The following PHYHD1 variants were observed in gnomAD, a reference collection of about 807,000 sequenced individuals.
The protein encoded by PHYHD1 is phytanoyl-CoA dioxygenase domain-containing protein 1.
A neutral mutation model predicts 43.6 loss-of-function variants in PHYHD1; 42 were observed. That is an observed-to-expected ratio of 0.96 (90% CI 0.75 to 1.25). PHYHD1 has a LOEUF of 1.25. PHYHD1 is among the 50% of genes most tolerant of loss of function. The pLI, the probability that PHYHD1 is intolerant of heterozygous loss-of-function variation, is 0.00. For synonymous variants in PHYHD1, 139 were observed against 143.6 expected (o/e 0.97, Z 0.23); for missense variants, 342 against 370.8 (o/e 0.92, Z 0.64).
At chr9:128,936,286 G>A (rs1247571950) in intron 6 of PHYHD1, among the ~76,000 whole-genome samples, 162 bp from the exon 7 acceptor site, 1 of 151,912 alleles carries the variant, frequency 6.6e-6, no homozygotes, top group Non-Finnish European at 1.5e-5. Context: ...GTGGGGGCAA[G>A]GCTCCTGTGG....
At chr9:128,927,577 T>C (rs903763787) in intron 4 of PHYHD1, among the ~76,000 whole-genome samples, 2 of 152,268 alleles carry the variant, frequency 1.3e-5, no homozygotes, top group Admixed American at 6.5e-5. Context: ...GGTTTCATCA[T>C]GTTGGTCAGG....
At chr9:128,941,302 A>G in intron 11 of PHYHD1, 143 bp from the exon 12 acceptor site, 2 of 1,095,486 alleles carry the variant, frequency 1.8e-6, no homozygotes, top group Non-Finnish European at 2.6e-6. Flanking sequence ...GGGAGGCTGC[A>G]GATGCCTGAG....
At chr9:128,936,178 C>T (rs1841418568) in intron 6 of PHYHD1, among the ~76,000 whole-genome samples, 1 of 151,772 alleles carries the variant, frequency 6.6e-6, no homozygotes, top group Non-Finnish European at 1.5e-5. Context: ...TGATTGGTGC[C>T]TTGGAGCCCT....
Position 128,922,311 on chromosome 9 carries a change from C to A in PHYHD1, c.-13C>A. ...GCCGCGCTTAGAAGCCGCCCAGTGC[C>A]CTGAGCGTCTCCATGGCCTGCCTGA... On this transcript the variant is annotated 5_prime_UTR_variant, in exon 3 of 13. Transcript: ENST00000372592. The A allele has an allele frequency of 6.4e-7, 1 of 1,551,398 alleles. No individual in the cohort carries two copies. Among genetic ancestry groups the A allele is most frequent in the Non-Finnish European group, 8.7e-7 (1 of 1,147,290 alleles).
At chr9:128,922,212 G>C in intron 2 of PHYHD1, 71 bp from the exon 3 acceptor site, 1 of 1,347,260 alleles carries the variant, frequency 7.4e-7, no homozygotes, top group Non-Finnish European at 1.0e-6. Flanking sequence ...GTTGGGTGGT[G>C]GGACCGGGTT....
chr9:128,932,055 A>G (rs1841293985), intron 4 of PHYHD1, among the ~76,000 whole-genome samples: 1 of 148,376 alleles, frequency 6.7e-6, no homozygotes, highest in African/African-American at 2.5e-5. Context: ...GGCTGGTCTC[A>G]AACTCCTGAC....
chr9:128,940,667 G>GAGCC lies in PHYHD1; in HGVS notation c.660_663dup (p.Arg222SerfsTer4), dbSNP rs750290388. On this transcript the variant is annotated frameshift_variant, in exon 11 of 13. Transcript: ENST00000372592. LOFTEE classifies it high-confidence loss of function. ...GCCTGGTACCAGCTTCCTTGGGTCA[G>GAGCC]AGCCAGCCCGGGATAACAGCCTCTT... The GAGCC allele has an allele frequency of 6.2e-7, 1 of 1,614,126 alleles. No individual in the cohort carries two copies. Among genetic ancestry groups the GAGCC allele is most frequent in the Admixed American group, 1.7e-5 (1 of 60,022 alleles).
At chr9:128,923,370 G>A (rs1167408842) in intron 3 of PHYHD1, among the ~76,000 whole-genome samples, 1 of 152,114 alleles carries the variant, frequency 6.6e-6, no homozygotes, top group Non-Finnish European at 1.5e-5. Context: ...GAGCCACCGC[G>A]CCCAGCCTGC....
chr9:128,931,748 C>T (rs1239191425), intron 4 of PHYHD1, among the ~76,000 whole-genome samples: 2 of 151,770 alleles, frequency 1.3e-5, no homozygotes, highest in East Asian at 2.0e-4. Context: ...AAGATGGTCT[C>T]GATCTCCTGA....
rs59238657 is a variant in PHYHD1 at position 128,922,936 on chromosome 9, C to CTTT, written c.33+603_33+605dup. Among the ~76,000 whole-genome samples the CTTT allele has an allele frequency of 2.3e-3, 206 of 90,622 alleles. 2 individuals are homozygous for CTTT. Among genetic ancestry groups the CTTT allele is most frequent in the Non-Finnish European group, 2.3e-3 (111 of 47,742 alleles). 59.5% of individuals were successfully genotyped at this position (90,622 alleles called of 152,430 possible). ...CAGGCACACGCCCCCATGCCCAGCT[C>CTTT]TTTTTTTTTTTTTTTTTTTTTTTTT... On this transcript the variant is annotated intron_variant, in intron 3 of 12. Transcript: ENST00000372592.
At chr9:128,940,168 T>C (rs973081841) in intron 9 of PHYHD1, among the ~76,000 whole-genome samples, 5 of 152,208 alleles carry the variant, frequency 3.3e-5, no homozygotes, top group African/African-American at 9.6e-5. Context: ...TTGGAGCCAC[T>C]TCACGGTTTA....
intron 6 of PHYHD1, among the ~76,000 whole-genome samples, chr9:128,935,558 CAAAAAA>C (rs766510997): frequency 1.5e-4 from 16 of 104,310 alleles, no homozygotes; most frequent in African/African-American, 4.8e-4. Context: ...AACTCTGTCT[CAAAAAA>C]AAAAAAAAAA....
rs371562024 is a variant in PHYHD1, at chr9:128,940,428, G to A, written c.517G>A (p.Val173Met). 84 of 1,614,074 alleles carry A rather than the reference G, an allele frequency of 5.2e-5. No homozygotes were observed. The highest frequency in any genetic ancestry group is 1.6e-4 in the Middle Eastern group (1 of 6,082). The change falls in exon 10 of 13, where the codon GTG becomes ATG. Residue 173 changes from valine (V) to methionine (M), a missense_variant. Val to Met is a conservative substitution (Grantham distance 21). Transcript: ENST00000372592. The part of the protein sequence containing the change: ...YTEPLGRVLG[V>M]WIAVEDATLE... ...GGAGCCCCTGGGCCGGGTGCTGGGC[G>A]TGTGGATCGCAGTGGAGGATGCCAC...
intron 8 of PHYHD1, among the ~76,000 whole-genome samples, chr9:128,937,119 A>G (rs988703134): frequency 6.6e-6 from 1 of 152,038 alleles, no homozygotes; most frequent in Non-Finnish European, 1.5e-5. Flanking sequence ...CGTCTCAAAA[A>G]AAAGAAAAAT....
At chr9:128,922,936 CTTTTTT>C (rs59238657) in intron 3 of PHYHD1, among the ~76,000 whole-genome samples, 1,586 of 90,698 alleles carry the variant, frequency 0.017, 33 homozygotes, top group African/African-American at 0.068. Flanking sequence ...ATGCCCAGCT[CTTTTTT>C]TTTTTTTTTT....
chr9:128,932,569 G>A lies in PHYHD1; in HGVS notation c.193-1213G>A, dbSNP rs531467410. Among the ~76,000 whole-genome samples the A allele has an allele frequency of 4.6e-5, 7 of 151,620 alleles. No homozygotes were observed. The East Asian group carries it at 9.8e-4, about 21-fold the overall frequency. ...TTTAGTAGAAATGGGGTTTCTCCAC[G>A]TAGGTCAGGCTGCTCTTGAACTCCT... On this transcript the variant is annotated intron_variant, in intron 4 of 12. Coordinates refer to ENST00000372592, the MANE Select transcript of PHYHD1 (RefSeq NM_001100876.2).
intron 4 of PHYHD1, among the ~76,000 whole-genome samples, chr9:128,932,190 T>A (rs1399541992): frequency 7.1e-6 from 1 of 140,790 alleles, no homozygotes; most frequent in African/African-American, 2.8e-5. Context: ...TATTATTTTT[T>A]TTTTTTGAGA....
In PHYHD1 at chr9:128,927,083, G is replaced by C; in HGVS notation, c.79G>C (p.Glu27Gln). Residue 27 changes from glutamate (E) to glutamine (Q), a missense_variant, in exon 4 of 13, where the codon GAA becomes CAA. By Grantham distance (29) the Glu-to-Gln change is conservative. Coordinates refer to ENST00000372592, the MANE Select transcript of PHYHD1 (RefSeq NM_001100876.2). ...FLVLEGFLSA[E>Q]ECVAMQQRIG... Reference sequence around the variant, plus strand: ...GGTGCTGGAAGGATTCTTGTCTGCGGAAGAGTGTGTGGCCATGCAACAAAG... The same window carrying C: ...GGTGCTGGAAGGATTCTTGTCTGCGCAAGAGTGTGTGGCCATGCAACAAAG... The C allele has an allele frequency of 3.1e-6, 5 of 1,614,210 alleles. No homozygotes were observed. The highest frequency in any genetic ancestry group is 4.2e-6 in the Non-Finnish European group (5 of 1,180,032).
rs1203838760 is a variant in PHYHD1 at position 128,941,665 on chromosome 9, C to T, written c.831-3C>T. ...AAGGTTGTTTCTCCTCTATCCTCTG[C>T]AGGCTCCAGCCAACAGCTGAACTGC... On this transcript the variant is annotated splice_region_variant and splice_polypyrimidine_tract_variant and intron_variant, in intron 12 of 12. Coordinates refer to ENST00000372592, the MANE Select transcript of PHYHD1 (RefSeq NM_001100876.2). 2 of 1,614,198 alleles carry T rather than the reference C, an allele frequency of 1.2e-6. No homozygotes were observed. Among genetic ancestry groups the T allele is most frequent in the South Asian group, 2.2e-5 (2 of 91,086 alleles).
Sources: gnomAD v4.1 joint callset for allele counts (sites outside exome capture counted in the v4.1 genomes callset) on GRCh38, gnomAD v4.1.1 for gene constraint, MANE v1.5 for transcripts, NCBI Gene and HGNC (gene_info 2026-07-23, HGNC 2026-07-21) for gene names.